SLC35F1: variants seen among roughly 807,000 people sequenced by gnomAD.
SLC35F1 encodes solute carrier family 35 member F1.
In SLC35F1, 14 loss-of-function variants were observed where a neutral mutation model predicts 48.7. The ratio of observed to expected loss-of-function variants is 0.29; its 90% CI spans 0.19 to 0.45. The LOEUF (loss-of-function observed/expected upper bound fraction) is 0.45. SLC35F1 is among the 20% of genes least tolerant of loss of function. The pLI, the probability that SLC35F1 is intolerant of heterozygous loss-of-function variation, is 1.00. For missense variants in SLC35F1, 404 were observed against 500.0 expected, an observed-to-expected ratio of 0.81 and a Z score of 1.83; for synonymous variants, 190 against 202.2, an observed-to-expected ratio of 0.94 and a Z score of 0.51.
chr6:118,049,978 A>T (rs201097636), intron 1 of SLC35F1, among the ~76,000 whole-genome samples: 13 of 152,178 alleles, frequency 8.5e-5, no homozygotes, highest in Admixed American at 2.0e-4. Flanking sequence ...ATGTCCAACA[A>T]CGATAGACTG....
chr6:117,926,175 T>C (rs946021055), intron 1 of SLC35F1, among the ~76,000 whole-genome samples: 1 of 152,190 alleles, frequency 6.6e-6, no homozygotes, highest in South Asian at 2.1e-4. Flanking sequence ...CTGGAGGTAA[T>C]TGAATCATGA....
In SLC35F1 at chr6:118,147,331, G is replaced by C. The variant is rs1773988620; in HGVS notation, c.174-7114G>C. 2.0e-5 allele frequency among the ~76,000 whole-genome samples: 3 copies of C among 152,244 alleles called. No homozygotes were observed. In the South Asian group the frequency reaches 6.2e-4, roughly 32 times the overall value. Reference sequence around the variant, plus strand: ...CAACTGAGAATCCCCAGGAAAGAAAGCATGAGATACACAGCCTGGGCATCG... The same window carrying C: ...CAACTGAGAATCCCCAGGAAAGAAACCATGAGATACACAGCCTGGGCATCG... On this transcript the variant is annotated intron_variant, in intron 1 of 7. Transcript: ENST00000360388.
intron 1 of SLC35F1, among the ~76,000 whole-genome samples, chr6:117,967,707 A>C (rs921653949): frequency 6.6e-6 from 1 of 152,216 alleles, no homozygotes. Context: ...AATCTTATGC[A>C]ATGAGTGAGT....
In SLC35F1 at chr6:118,179,455, T is replaced by A. The variant is rs116393119; in HGVS notation, c.349+24835T>A. On this transcript the variant is annotated intron_variant, in intron 2 of 7. Transcript: ENST00000360388. Reference sequence around the variant, plus strand: ...ATTTGCCTTTCTTCTGCCTTTTTGTTCTGTCTGGGCTCTCAGCAGATTGGA... The same window carrying A: ...ATTTGCCTTTCTTCTGCCTTTTTGTACTGTCTGGGCTCTCAGCAGATTGGA... Among the ~76,000 whole-genome samples the A allele has an allele frequency of 3.2e-3, 491 of 152,224 alleles. 2 individuals are homozygous for A. Among genetic ancestry groups the A allele is most frequent in the African/African-American group, 0.011 (457 of 41,538 alleles).
Position 117,924,498 on chromosome 6 carries a change from G to A in SLC35F1, c.173+16599G>A, listed in dbSNP as rs377690140. On this transcript the variant is annotated intron_variant, in intron 1 of 7. Transcript: ENST00000360388. Reference sequence around the variant, plus strand: ...CATATGTATATACGTATATACATATGTATATACGTATATACATATATATAT... The same window carrying A: ...CATATGTATATACGTATATACATATATATATACGTATATACATATATATAT... Among the ~76,000 whole-genome samples, 22 of 16,364 alleles carry A rather than the reference G, an allele frequency of 1.3e-3. 2 individuals are homozygous for A. The highest frequency in any genetic ancestry group is 1.5e-3 in the Non-Finnish European group (8 of 5,366). 10.7% of individuals were successfully genotyped at this position (16,364 alleles called of 152,430 possible).
intron 1 of SLC35F1, among the ~76,000 whole-genome samples, chr6:117,962,593 A>G (rs1020718455): frequency 1.3e-5 from 2 of 152,084 alleles, no homozygotes; most frequent in Non-Finnish European, 2.9e-5. Flanking sequence ...TGGCAAACAA[A>G]GCTTGGATGA....
At position 118,285,471 on chromosome 6, in the gene SLC35F1, A is replaced by G. The variant is rs1184768807; in HGVS notation, c.1002+133A>G. On this transcript the variant is annotated intron_variant, in intron 7 of 7. Coordinates refer to ENST00000360388, the MANE Select transcript of SLC35F1 (RefSeq NM_001029858.4). ...AATGTAACTGGGTGTGCTAACCTCC[A>G]TGATTTAGGTATTCACATTTCAGCT... The G allele has an allele frequency of 7.3e-6, 7 of 960,914 alleles. No homozygotes were observed. The East Asian group carries it at 9.7e-5, about 13-fold the overall frequency. The allele number at this position is 960,914 out of a possible 1,614,324, so 59.5% of individuals were successfully genotyped here. A position where few individuals can be genotyped will look rare whatever the true frequency, so the allele number is the denominator to read the frequency against.
At chr6:118,263,676 TTTTGTTTG>T (rs199630202) in intron 3 of SLC35F1, among the ~76,000 whole-genome samples, 1 of 152,054 alleles carries the variant, frequency 6.6e-6, no homozygotes, top group Non-Finnish European at 1.5e-5. Context: ...GAAGAGGAGT[TTTTGTTTG>T]TTTGTTTGTT....
At chr6:118,053,696 C>T (rs111935840) in intron 1 of SLC35F1, among the ~76,000 whole-genome samples, 2,213 of 152,172 alleles carry the variant, frequency 0.015, 62 homozygotes, top group African/African-American at 0.05. Context: ...GCATTATATC[C>T]TATTTGAAGC....
At chr6:118,054,997 G>A (rs1211810583) in intron 1 of SLC35F1, among the ~76,000 whole-genome samples, 5 of 152,060 alleles carry the variant, frequency 3.3e-5, no homozygotes, top group African/African-American at 1.2e-4. Context: ...GGATGGTCTC[G>A]ATCTCCTGAC....
At chr6:118,210,122 A>G (rs1186989446) in intron 2 of SLC35F1, among the ~76,000 whole-genome samples, 2 of 152,212 alleles carry the variant, frequency 1.3e-5, no homozygotes, top group Non-Finnish European at 2.9e-5. Flanking sequence ...GTGCCCCTTC[A>G]GAGCTCTTCC....
intron 1 of SLC35F1, among the ~76,000 whole-genome samples, chr6:117,981,826 C>A (rs1391222520): frequency 6.6e-6 from 1 of 151,620 alleles, no homozygotes; most frequent in East Asian, 1.9e-4. Flanking sequence ...TTTTATAATC[C>A]CAATCTTTTA....
chr6:117,950,762 C>G (rs1239472500), intron 1 of SLC35F1, among the ~76,000 whole-genome samples: 1 of 152,036 alleles, frequency 6.6e-6, no homozygotes, highest in African/African-American at 2.4e-5. Context: ...TGAACATTAA[C>G]AGTAAACATG....
chr6:118,141,003 T>G (rs939905927), intron 1 of SLC35F1, among the ~76,000 whole-genome samples: 4 of 152,172 alleles, frequency 2.6e-5, no homozygotes, highest in Admixed American at 6.5e-5. Flanking sequence ...AAAGATACAG[T>G]AAGCTAAGGT....
chr6:118,242,025 CT>C (rs1348687849), intron 3 of SLC35F1, among the ~76,000 whole-genome samples: 1 of 152,176 alleles, frequency 6.6e-6, no homozygotes, highest in Non-Finnish European at 1.5e-5. Flanking sequence ...AGTAAAGCTG[CT>C]GTGAACATTC....
chr6:117,917,008 G>A (rs1227270246), intron 1 of SLC35F1, among the ~76,000 whole-genome samples: 1 of 152,178 alleles, frequency 6.6e-6, no homozygotes, highest in Non-Finnish European at 1.5e-5. Flanking sequence ...CATGAAAAAG[G>A]TATCCAACAG....
In SLC35F1 at chr6:117,907,892, C is replaced by A; in HGVS notation, c.166C>A (p.Leu56Met). 1 of 1,434,060 alleles carries A rather than the reference C, an allele frequency of 7.0e-7. No homozygotes were observed. The highest frequency in any genetic ancestry group is 9.1e-7 in the Non-Finnish European group (1 of 1,101,866). 88.8% of individuals were successfully genotyped at this position (1,434,060 alleles called of 1,614,324 possible). A position where few individuals can be genotyped will look rare whatever the true frequency, so the allele number is the denominator to read the frequency against. ...AGVRQRIRKV[L>M]NREMLISVAL... ...CGTGCGCCAGAGGATCCGCAAAGTG[C>A]TGAACAGGTGAGCGGCGGCGCCGGG... Residue 56 changes from leucine to methionine, a missense_variant, in exon 1 of 8, where the codon CTG becomes ATG. Around this residue, in one of 2 missense-constraint regions of SLC35F1, gnomAD observed 98 missense variants for 81.0 expected, o/e 1.21. Coordinates refer to ENST00000360388, the MANE Select transcript of SLC35F1 (RefSeq NM_001029858.4).
intron 5 of SLC35F1, 23 bp from the exon 6 acceptor site, chr6:118,277,471 G>T: frequency 6.2e-7 from 1 of 1,611,410 alleles, no homozygotes; most frequent in Non-Finnish European, 8.5e-7. Flanking sequence ...TGCTCATCAG[G>T]TTCATTTCCT....
At chr6:118,110,874 T>C (rs1428924727) in intron 1 of SLC35F1, among the ~76,000 whole-genome samples, 1 of 151,946 alleles carries the variant, frequency 6.6e-6, no homozygotes, top group African/African-American at 2.4e-5. Flanking sequence ...CCTTCCCCCT[T>C]GTGGAAGGCA....
Sources: gnomAD v4.1 joint callset for allele counts (sites outside exome capture counted in the v4.1 genomes callset) on GRCh38, gnomAD v4.1.1 for gene constraint, gnomAD v4.1.1 regional missense constraint, MANE v1.5 for transcripts, NCBI Gene and HGNC (gene_info 2026-07-23, HGNC 2026-07-21) for gene names.